The following C6 variants were observed in gnomAD, a reference collection of about 807,000 sequenced individuals.
C6 encodes the protein complement C6, also known as complement component C6.
In C6, 101 loss-of-function variants were observed where a neutral mutation model predicts 112.9. The ratio of observed to expected loss-of-function variants is 0.89; its 90% CI spans 0.76 to 1.06. The LOEUF (loss-of-function observed/expected upper bound fraction) is 1.06. Among genes scored for constraint, C6 ranks in the 50% least tolerant of loss-of-function variants. C6 has a pLI of 0.00. For synonymous variants in C6, 431 were observed against 384.1 expected (o/e 1.12, Z -1.43); for missense variants, 1,202 against 1,104.6 (o/e 1.09, Z -1.25).
chr5:41,220,138 A>G lies in C6; in HGVS notation c.-20-16888T>C, dbSNP rs567167571. ...TGACCTGGGGTAGTGTGTAATACAAAGACAAATGGTTTCCTGATTTCTTGC... is the reference window on the plus strand; with the variant it reads ...TGACCTGGGGTAGTGTGTAATACAAGGACAAATGGTTTCCTGATTTCTTGC... On this transcript the variant is annotated intron_variant, in intron 1 of 17. Coordinates refer to the C6 transcript ENST00000263413. 2.6e-5 allele frequency among the ~76,000 whole-genome samples: 4 copies of G among 152,334 alleles called. No homozygotes were observed. In the South Asian group the frequency reaches 8.3e-4, roughly 32 times the overall value.
At chr5:41,202,932 C>T (rs377648779) in intron 2 of C6, among the ~76,000 whole-genome samples, 156 bp downstream of exon 2, 11 of 152,340 alleles carry the variant, frequency 7.2e-5, no homozygotes, top group African/African-American at 2.6e-4. Flanking sequence ...TTCCTTTCAA[C>T]CTCATAAGAG....
chr5:41,211,966 A>G (rs545955581), intron 1 of C6, among the ~76,000 whole-genome samples: 30 of 152,336 alleles, frequency 2.0e-4, no homozygotes, highest in African/African-American at 6.0e-4. Flanking sequence ...CTGCAAAAAC[A>G]GAACCCTTAT....
chr5:41,163,913 A>G (rs1021634118), intron 9 of C6, among the ~76,000 whole-genome samples: 2 of 152,166 alleles, frequency 1.3e-5, no homozygotes, highest in Non-Finnish European at 2.9e-5. Flanking sequence ...TTGCTCTTCA[A>G]TGTGTCTGTG....
intron 1 of C6, among the ~76,000 whole-genome samples, chr5:41,209,804 T>A (rs987391292): frequency 2.0e-5 from 3 of 152,184 alleles, no homozygotes; most frequent in East Asian, 3.8e-4. Flanking sequence ...AGGTAATTTA[T>A]AGATTCAATG....
intron 1 of C6, among the ~76,000 whole-genome samples, chr5:41,240,212 A>G (rs1740611384): frequency 6.6e-6 from 1 of 152,024 alleles, no homozygotes; most frequent in African/African-American, 2.4e-5. Context: ...TGTTAGTGGA[A>G]GCTCTGGTGA....
At chr5:41,206,885 G>C (rs1287866487) in intron 1 of C6, among the ~76,000 whole-genome samples, 2 of 152,146 alleles carry the variant, frequency 1.3e-5, no homozygotes, top group Non-Finnish European at 2.9e-5. Flanking sequence ...ATGCCACAAA[G>C]ATGCTCCTTG....
Position 41,159,207 on chromosome 5 carries a change from A to C in C6, c.1731T>G (p.Cys577Trp), listed in dbSNP as rs1418800517. Residue 577 changes from cysteine to tryptophan, a missense_variant, in exon 12 of 18, where the codon TGT (cysteine) becomes TGG (tryptophan). Physicochemically the swap from Cys to Trp is radical, Grantham distance 215 (BLOSUM62 -2). Transcript: ENST00000337836. ...QWGCWSSWST[C>W]DATYKRSRTR... ...TTCTCGATCTCTTATAAGTAGCATCACAGGTACTCCAGGAAGACCAACAAC... is the reference window on the plus strand; with the variant it reads ...TTCTCGATCTCTTATAAGTAGCATCCCAGGTACTCCAGGAAGACCAACAAC... 6.2e-7 allele frequency: 1 copy of C among 1,613,362 alleles called. No homozygotes were observed. Among genetic ancestry groups the C allele is most frequent in the African/African-American group, 1.3e-5 (1 of 74,830 alleles).
intron 1 of C6, among the ~76,000 whole-genome samples, chr5:41,221,300 T>G (rs904060082): frequency 6.6e-6 from 1 of 152,182 alleles, no homozygotes; most frequent in African/African-American, 2.4e-5. Flanking sequence ...CTATACATTC[T>G]CAACAGGGAT....
chr5:41,158,505 A>G (rs1747137202), intron 13 of C6, among the ~76,000 whole-genome samples, 169 bp downstream of exon 13: 1 of 152,224 alleles, frequency 6.6e-6, no homozygotes, highest in African/African-American at 2.4e-5. Flanking sequence ...AGACATCTCT[A>G]GGAAATTCAA....
At chr5:41,256,848 T>C (rs1456763941) in intron 1 of C6, among the ~76,000 whole-genome samples, 2 of 152,118 alleles carry the variant, frequency 1.3e-5, no homozygotes, top group Non-Finnish European at 2.9e-5. Context: ...AAAGGAACAA[T>C]TGCCTCATGG....
intron 1 of C6, among the ~76,000 whole-genome samples, chr5:41,240,347 G>T (rs895327419): frequency 1.3e-5 from 2 of 152,026 alleles, no homozygotes; most frequent in South Asian, 4.1e-4. Context: ...GCAGGTTTAG[G>T]CAGGCCAATT....
intron 7 of C6, among the ~76,000 whole-genome samples, chr5:41,178,466 C>CTT (rs70988836): frequency 6.9e-4 from 70 of 101,564 alleles, no homozygotes; most frequent in Non-Finnish European, 8.8e-4. Context: ...TTTTCTTTTT[C>CTT]TTTTTTTTTT....
upstream of C6, among the ~76,000 whole-genome samples, chr5:41,217,278 G>A (rs577579869): frequency 1.2e-4 from 18 of 152,088 alleles, no homozygotes; most frequent in South Asian, 2.1e-4. Flanking sequence ...TACTATTGCC[G>A]GATATTATGA....
upstream of C6, chr5:41,213,611 C>T (rs1424481494): frequency 3.2e-6 from 3 of 941,918 alleles, no homozygotes; most frequent in East Asian, 1.2e-4. Context: ...TCAGTAGTAA[C>T]CCTGAAACTC....
rs374685801 is a variant in C6, at chr5:41,158,716, G to A, written c.1926C>T (p.Ser642=). ...CTGGAGGAACTGGCTGAGGACACCC[G>A]GAATCTGCTTCTATCTCAGGAAGAT... The part of the protein sequence containing the change: ...EVDLPEIEAD[S]GCPQPVPPEN... The change falls in exon 13 of 18, where the codon TCC becomes TCT. Residue 642 remains serine, a synonymous_variant. Transcript: ENST00000337836. 1.6e-5 allele frequency: 26 copies of A among 1,610,968 alleles called. No homozygotes were observed. The highest frequency in any genetic ancestry group is 7.7e-5 in the South Asian group (7 of 91,028).
chr5:41,232,149 C>T (rs907694129), intron 1 of C6, among the ~76,000 whole-genome samples: 3 of 152,062 alleles, frequency 2.0e-5, no homozygotes, highest in Non-Finnish European at 2.9e-5. Flanking sequence ...TTGCTTTCTG[C>T]TTTGTTTCTT....
At chr5:41,194,871 G>A (rs1580162556) in intron 5 of C6, among the ~76,000 whole-genome samples, 1 of 152,180 alleles carries the variant, frequency 6.6e-6, no homozygotes, top group African/African-American at 2.4e-5. Context: ...GGGTATTCCT[G>A]TAGTAGGAAC....
intron 1 of C6, among the ~76,000 whole-genome samples, chr5:41,219,307 G>T (rs1739023069): frequency 1.3e-5 from 2 of 152,118 alleles, no homozygotes; most frequent in Admixed American, 1.3e-4. Flanking sequence ...CTTCTTTTAG[G>T]TAGGGTCATC....
intron 5 of C6, among the ~76,000 whole-genome samples, chr5:41,187,917 G>T (rs917136353): frequency 2.6e-5 from 4 of 152,046 alleles, no homozygotes; most frequent in Non-Finnish European, 4.4e-5. Context: ...TGCATACTAA[G>T]TTCAAAAGTA....
Sources: gnomAD v4.1 joint callset for allele counts (sites outside exome capture counted in the v4.1 genomes callset) on GRCh38, gnomAD v4.1.1 for gene constraint, MANE v1.5 for transcripts, NCBI Gene and HGNC (gene_info 2026-07-23, HGNC 2026-07-21) for gene names.